The following NLGN1 variants were observed in gnomAD, a reference collection of about 807,000 sequenced individuals.
The protein encoded by NLGN1 is neuroligin-1.
A neutral mutation model predicts 65.5 loss-of-function variants in NLGN1; 12 were observed. The observed-to-expected ratio is 0.18, with a 90% CI of 0.12 to 0.30. NLGN1 has a LOEUF of 0.30. Ranked by LOEUF, NLGN1 falls within the 10% of genes least tolerant of loss-of-function variation. The probability of loss-of-function intolerance (pLI) is 1.00; values close to 1 mark genes in which losing one functional copy is unlikely to be tolerated. For synonymous variants in NLGN1, 350 were observed against 359.5 expected (o/e 0.97, Z 0.30); for missense variants, 750 against 1,007.1 (o/e 0.74, Z 3.46).
chr3:173,609,846 T>C (rs1200398786), intron 3 of NLGN1, among the ~76,000 whole-genome samples: 1 of 151,850 alleles, frequency 6.6e-6, no homozygotes, highest in Non-Finnish European at 1.5e-5. Flanking sequence ...AGAGTGCTGG[T>C]ATGGAGAGTG....
intron 4 of NLGN1, among the ~76,000 whole-genome samples, chr3:174,075,984 G>A (rs190651739): frequency 3.3e-5 from 5 of 152,076 alleles, no homozygotes; most frequent in South Asian, 2.1e-4. Context: ...TAAACTAGGC[G>A]ACATCACTTT....
At position 173,713,667 on chromosome 3, in the gene NLGN1, C is replaced by A. The variant is rs1769369322; in HGVS notation, c.494-94013C>A. ...AATTATTTAAACTTTGTATATTCTT[C>A]ATTTTTAAGTTGAAATTAATGATAG... On this transcript the variant is annotated intron_variant, in intron 3 of 6. Coordinates refer to ENST00000457714, the Ensembl canonical transcript of NLGN1. Among the ~76,000 whole-genome samples the A allele has an allele frequency of 2.6e-5, 4 of 152,106 alleles. No homozygotes were observed. The Middle Eastern group carries it at 0.01, about 388-fold the overall frequency.
intron 4 of NLGN1, among the ~76,000 whole-genome samples, chr3:173,935,622 ACTCTCTCTCT>A (rs72137673): frequency 4.6e-5 from 5 of 108,072 alleles, no homozygotes; most frequent in South Asian, 2.9e-4. Context: ...ACACACACAC[ACTCTCTCTCT>A]CTCTCTCTCT....
intron 3 of NLGN1, among the ~76,000 whole-genome samples, chr3:173,686,460 T>C (rs1764697899): frequency 6.6e-6 from 1 of 152,130 alleles, no homozygotes; most frequent in Non-Finnish European, 1.5e-5. Context: ...CTGACTCTAA[T>C]GGGAAGAAAA....
intron 4 of NLGN1, among the ~76,000 whole-genome samples, chr3:173,833,656 C>G (rs1723032168): frequency 6.6e-6 from 1 of 151,970 alleles, no homozygotes; most frequent in Admixed American, 6.6e-5. Context: ...GTGGCTGGGT[C>G]TGCGGGCATG....
intron 4 of NLGN1, among the ~76,000 whole-genome samples, chr3:173,865,113 T>A (rs1013735780): frequency 4.6e-5 from 7 of 152,332 alleles, no homozygotes; most frequent in African/African-American, 1.7e-4. Flanking sequence ...ATGATATTTG[T>A]CAAAGTGAAT....
intron 2 of NLGN1, among the ~76,000 whole-genome samples, chr3:173,523,922 C>CT (rs34649982): frequency 0.55 from 70,407 of 128,594 alleles, 20,549 homozygotes; most frequent in East Asian, 0.86. Flanking sequence ...TCTTTCTTTC[C>CT]TTTTTTTTTT....
chr3:174,199,340 C>T (rs1256201299), intron 4 of NLGN1, among the ~76,000 whole-genome samples: 1 of 150,828 alleles, frequency 6.6e-6, no homozygotes, highest in Non-Finnish European at 1.5e-5. Flanking sequence ...AGACAATGTT[C>T]GATTCATTTT....
At chr3:173,539,402 T>C (rs1323959005) in intron 2 of NLGN1, among the ~76,000 whole-genome samples, 2 of 146,838 alleles carry the variant, frequency 1.4e-5, no homozygotes, top group African/African-American at 5.0e-5. Flanking sequence ...AACATATATA[T>C]GTTATATATT....
At chr3:173,757,004 A>T (rs1777235795) in intron 3 of NLGN1, among the ~76,000 whole-genome samples, 1 of 152,026 alleles carries the variant, frequency 6.6e-6, no homozygotes. Context: ...TTCGGTGGCA[A>T]CTAGGACACT....
chr3:173,557,300 A>T (rs1234932184), intron 2 of NLGN1, among the ~76,000 whole-genome samples: 1 of 152,096 alleles, frequency 6.6e-6, no homozygotes, highest in African/African-American at 2.4e-5. Flanking sequence ...TAGGGTTTGT[A>T]TGGCACCTGT....
At chr3:174,174,050 C>G (rs1305369024) in intron 4 of NLGN1, among the ~76,000 whole-genome samples, 1 of 152,028 alleles carries the variant, frequency 6.6e-6, no homozygotes, top group Non-Finnish European at 1.5e-5. Flanking sequence ...TAACTTAGCT[C>G]CCACATATGA....
intron 4 of NLGN1, among the ~76,000 whole-genome samples, chr3:174,024,163 A>C (rs1474134306): frequency 3.3e-5 from 5 of 151,632 alleles, no homozygotes; most frequent in Non-Finnish European, 4.4e-5. Context: ...AAAAAAAAAA[A>C]AAACACGGGC....
intron 2 of NLGN1, among the ~76,000 whole-genome samples, chr3:173,448,054 T>C (rs1412388507): frequency 6.6e-6 from 1 of 152,172 alleles, no homozygotes; most frequent in Non-Finnish European, 1.5e-5. Flanking sequence ...GCCCTTTATT[T>C]CCTTCTCCTG....
At chr3:173,435,230 A>G (rs945792392) in intron 2 of NLGN1, among the ~76,000 whole-genome samples, 6 of 152,156 alleles carry the variant, frequency 3.9e-5, no homozygotes, top group African/African-American at 1.4e-4. Flanking sequence ...CTGTTGAACA[A>G]TTTTAATACT....
At chr3:173,603,675 C>T (rs1184392260) in intron 2 of NLGN1, among the ~76,000 whole-genome samples, 1 of 151,966 alleles carries the variant, frequency 6.6e-6, no homozygotes, top group Admixed American at 6.6e-5. Flanking sequence ...AACCTATAAG[C>T]AAAATTTTAT....
chr3:174,070,571 C>T (rs1291026574), intron 4 of NLGN1, among the ~76,000 whole-genome samples: 2 of 151,906 alleles, frequency 1.3e-5, no homozygotes, highest in Non-Finnish European at 2.9e-5. Context: ...ACCTTGTGAT[C>T]TGCCCACCTC....
chr3:174,017,278 T>C (rs917213031), intron 4 of NLGN1, among the ~76,000 whole-genome samples: 20 of 152,316 alleles, frequency 1.3e-4, no homozygotes, highest in African/African-American at 4.8e-4. Flanking sequence ...TTCTTCATTA[T>C]TGTGTAGGAC....
chr3:173,820,399 G>A (rs778666857), intron 4 of NLGN1, among the ~76,000 whole-genome samples: 2 of 152,082 alleles, frequency 1.3e-5, no homozygotes, highest in East Asian at 1.9e-4. Flanking sequence ...AAGTGAAAGC[G>A]TTGGTGCTCA....
Sources: allele counts gnomAD v4.1 joint callset (sites outside exome capture counted in the v4.1 genomes callset), GRCh38; gene constraint gnomAD v4.1.1; transcripts MANE v1.5; gene names NCBI Gene and HGNC (gene_info 2026-07-23, HGNC 2026-07-21).